GPR149: variants seen among roughly 807,000 people sequenced by gnomAD.
GPR149 encodes the protein G protein-coupled receptor 149.
In GPR149, 50 loss-of-function variants were observed where a neutral mutation model predicts 50.2. That is an observed-to-expected ratio of 1.00 (90% CI 0.79 to 1.26). The LOEUF (loss-of-function observed/expected upper bound fraction) is 1.26. Ranked by LOEUF, GPR149 falls within the 50% of genes most tolerant of loss-of-function variation. GPR149 has a pLI of 0.00. For missense variants in GPR149, 983 were observed against 895.4 expected (o/e 1.10, Z -1.25); for synonymous variants, 405 against 358.2 (o/e 1.13, Z -1.48).
chr3:154,343,679 T>G (rs896136468), intron 3 of GPR149, among the ~76,000 whole-genome samples: 2 of 151,914 alleles, frequency 1.3e-5, no homozygotes, highest in Admixed American at 6.6e-5. Flanking sequence ...TTGAAAAGGG[T>G]GGAGAGGCTG....
chr3:154,349,234 A>T (rs1377503709), intron 3 of GPR149, among the ~76,000 whole-genome samples: 1 of 152,172 alleles, frequency 6.6e-6, no homozygotes, highest in Non-Finnish European at 1.5e-5. Flanking sequence ...ACTGAAAGCA[A>T]ATATAAAGGA....
intron 3 of GPR149, among the ~76,000 whole-genome samples, chr3:154,395,273 T>C (rs1043086965): frequency 5.9e-5 from 9 of 151,836 alleles, no homozygotes; most frequent in Non-Finnish European, 8.8e-5. Flanking sequence ...GGGAAATACC[T>C]TTAAAATCAA....
At chr3:154,415,558 A>G (rs1711962215) in intron 3 of GPR149, among the ~76,000 whole-genome samples, 1 of 151,948 alleles carries the variant, frequency 6.6e-6, no homozygotes, top group African/African-American at 2.4e-5. Context: ...TTGAGGTTAA[A>G]GTTATGCTGT....
At position 154,400,647 on chromosome 3, in the gene GPR149, T is replaced by C. The variant is rs1168460556; in HGVS notation, c.1623+20392A>G. Among the ~76,000 whole-genome samples, 12 of 152,360 alleles carry C rather than the reference T, an allele frequency of 7.9e-5. No individual in the cohort carries two copies. The South Asian group carries it at 2.5e-3, about 32-fold the overall frequency. Reference sequence around the variant, plus strand: ...CTGTACTATGTTCTATTGAATTACATGACATCATCTCTGAGTAATTTCTGC... The same window carrying C: ...CTGTACTATGTTCTATTGAATTACACGACATCATCTCTGAGTAATTTCTGC... On this transcript the variant is annotated intron_variant, in intron 3 of 3. Coordinates refer to ENST00000389740, the MANE Select transcript of GPR149 (RefSeq NM_001038705.3).
chr3:154,339,041 A>G (rs1713722349), intron 3 of GPR149, among the ~76,000 whole-genome samples: 2 of 152,178 alleles, frequency 1.3e-5, no homozygotes, highest in Non-Finnish European at 2.9e-5. Flanking sequence ...TGTACTTTTT[A>G]TTGCTGATTC....
chr3:154,425,236 C>G (rs904843526), intron 2 of GPR149, among the ~76,000 whole-genome samples: 5 of 152,016 alleles, frequency 3.3e-5, no homozygotes, highest in Non-Finnish European at 4.4e-5. Context: ...ATATTTACAT[C>G]TTCAACATTA....
intron 3 of GPR149, among the ~76,000 whole-genome samples, chr3:154,382,379 G>A (rs911517913): frequency 1.3e-5 from 2 of 152,150 alleles, no homozygotes; most frequent in Non-Finnish European, 2.9e-5. Flanking sequence ...CAACCAAGGT[G>A]GATGGTGTGG....
intron 3 of GPR149, among the ~76,000 whole-genome samples, chr3:154,368,376 A>C (rs1714590767): frequency 6.6e-6 from 1 of 152,240 alleles, no homozygotes; most frequent in Non-Finnish European, 1.5e-5. Context: ...GGGTTTAGGC[A>C]GGTATCATCG....
intron 3 of GPR149, among the ~76,000 whole-genome samples, chr3:154,373,829 C>T (rs1011983235): frequency 1.3e-5 from 2 of 152,142 alleles, no homozygotes; most frequent in African/African-American, 4.8e-5. Context: ...TAAAGCTAAC[C>T]TACCATGAAT....
intron 3 of GPR149, among the ~76,000 whole-genome samples, chr3:154,380,769 A>C (rs1983315): frequency 0.77 from 117,334 of 152,058 alleles, 46,228 homozygotes; most frequent in Middle Eastern, 0.91. Context: ...CAGGTGTCCA[A>C]ATAAATCCCA....
chr3:154,407,004 A>C (rs559406011), intron 3 of GPR149, among the ~76,000 whole-genome samples: 2 of 152,190 alleles, frequency 1.3e-5, no homozygotes, highest in Non-Finnish European at 2.9e-5. Flanking sequence ...GAGAATGAAA[A>C]TCAAGTGAAA....
intron 3 of GPR149, among the ~76,000 whole-genome samples, chr3:154,361,936 T>A (rs755033501): frequency 4.6e-5 from 7 of 152,182 alleles, no homozygotes; most frequent in Admixed American, 1.3e-4. Context: ...GTCTCTACTT[T>A]GAGAAATTTT....
At chr3:154,371,523 T>C (rs1466660261) in intron 3 of GPR149, among the ~76,000 whole-genome samples, 1 of 152,114 alleles carries the variant, frequency 6.6e-6, no homozygotes, top group Non-Finnish European at 1.5e-5. Context: ...TATTATAAAT[T>C]ATCACTAAAA....
intron 3 of GPR149, among the ~76,000 whole-genome samples, chr3:154,367,841 T>G (rs569154361): frequency 6.6e-6 from 1 of 152,206 alleles, no homozygotes; most frequent in Non-Finnish European, 1.5e-5. Flanking sequence ...GAAAGGCATC[T>G]CGATCCTCAC....
At chr3:154,407,693 TACACACAC>T (rs1175398541) in intron 3 of GPR149, among the ~76,000 whole-genome samples, 2 of 139,978 alleles carry the variant, frequency 1.4e-5, no homozygotes, top group African/African-American at 2.8e-5. Flanking sequence ...GTCATGTGTA[TACACACAC>T]ACACACACAC....
rs1400007494 is a variant in GPR149 at position 154,352,763 on chromosome 3, T to C, written c.1624-14492A>G. On this transcript the variant is annotated intron_variant, in intron 3 of 3. Transcript: ENST00000389740. ...AGAAACCTGATGGTATCCATGCTTT[T>C]AGATTTAACTAAATCCATTGTAGAA... 4 of 798,312 alleles carry C rather than the reference T, an allele frequency of 5.0e-6. No individual in the cohort carries two copies. In the African/African-American group the frequency reaches 5.0e-5, roughly 10 times the overall value. 49.5% of individuals were successfully genotyped at this position (798,312 alleles called of 1,614,324 possible).
intron 3 of GPR149, among the ~76,000 whole-genome samples, chr3:154,359,518 G>A (rs1714328686): frequency 6.6e-6 from 1 of 152,136 alleles, no homozygotes; most frequent in African/African-American, 2.4e-5. Flanking sequence ...GACCAACAGA[G>A]CCTCCAATCC....
intron 3 of GPR149, among the ~76,000 whole-genome samples, chr3:154,400,407 T>C (rs1466998480): frequency 6.6e-6 from 1 of 152,196 alleles, no homozygotes; most frequent in Non-Finnish European, 1.5e-5. Context: ...TATGTAGTGG[T>C]TGTGTCAATG....
chr3:154,412,910 A>C (rs1576927277), intron 3 of GPR149, among the ~76,000 whole-genome samples: 1 of 152,168 alleles, frequency 6.6e-6, no homozygotes, highest in African/African-American at 2.4e-5. Context: ...CTATATTACA[A>C]GGCCATAGTC....
Sources: gnomAD v4.1 joint callset for allele counts (sites outside exome capture counted in the v4.1 genomes callset) on GRCh38, gnomAD v4.1.1 for gene constraint, MANE v1.5 for transcripts, NCBI Gene and HGNC (gene_info 2026-07-23, HGNC 2026-07-21) for gene names.